The following ZNRF3 variants were observed in gnomAD, a reference collection of about 807,000 sequenced individuals.
ZNRF3 encodes the protein E3 ubiquitin-protein ligase ZNRF3.
In ZNRF3, 23 loss-of-function variants were observed where a neutral mutation model predicts 72.5. That is an observed-to-expected ratio of 0.32 (90% CI 0.23 to 0.45). The LOEUF (loss-of-function observed/expected upper bound fraction) is 0.45. Ranked by LOEUF, ZNRF3 falls within the 20% of genes least tolerant of loss-of-function variation. ZNRF3 has a pLI of 1.00. For synonymous variants in ZNRF3, 610 were observed against 545.3 expected (o/e 1.12, Z -1.65); for missense variants, 1,169 against 1,272.1 (o/e 0.92, Z 1.23).
intron 1 of ZNRF3, among the ~76,000 whole-genome samples, chr22:28,884,661 T>G (rs1470630591): frequency 1.3e-5 from 2 of 151,686 alleles, no homozygotes; most frequent in African/African-American, 4.8e-5. Context: ...TTCCCTGGAG[T>G]GGCGATGGAA....
At chr22:28,890,412 A>G (rs1482536408) in intron 1 of ZNRF3, among the ~76,000 whole-genome samples, 2 of 152,200 alleles carry the variant, frequency 1.3e-5, no homozygotes, top group African/African-American at 4.8e-5. Flanking sequence ...AGGCAGGAGA[A>G]TGGCGTGAAC....
intron 2 of ZNRF3, among the ~76,000 whole-genome samples, chr22:29,013,197 T>C (rs1179678505): frequency 6.6e-6 from 1 of 152,196 alleles, no homozygotes; most frequent in Non-Finnish European, 1.5e-5. Flanking sequence ...AAAGTTAGCT[T>C]TCAGGGAATC....
chr22:28,984,626 C>T (rs2035821649), intron 1 of ZNRF3, among the ~76,000 whole-genome samples: 1 of 152,188 alleles, frequency 6.6e-6, no homozygotes, highest in Non-Finnish European at 1.5e-5. Context: ...ATGATTTGAC[C>T]TGGGACTTCA....
intron 2 of ZNRF3, among the ~76,000 whole-genome samples, chr22:29,016,024 A>AC (rs2036426970): frequency 7.0e-6 from 1 of 142,946 alleles, no homozygotes; most frequent in African/African-American, 2.8e-5. Flanking sequence ...CAAAAAAAAA[A>AC]AAAAACAAAA....
At chr22:28,999,962 T>A (rs1360762604) in intron 2 of ZNRF3, among the ~76,000 whole-genome samples, 2 of 152,248 alleles carry the variant, frequency 1.3e-5, no homozygotes, top group African/African-American at 4.8e-5. Flanking sequence ...ACTTTTCTTC[T>A]GTCCTTTGTG....
chr22:28,991,017 C>T (rs1044842055), intron 2 of ZNRF3, among the ~76,000 whole-genome samples: 2 of 152,102 alleles, frequency 1.3e-5, no homozygotes, highest in East Asian at 1.9e-4. Context: ...CGTGGTGGCT[C>T]ACGCCTGTAA....
At chr22:29,025,140 C>T (rs1013307087) in intron 2 of ZNRF3, 2 of 152,052 alleles carry the variant, frequency 1.3e-5, no homozygotes, top group African/African-American at 4.8e-5. Flanking sequence ...CACCACCACA[C>T]CTGGCTAATT....
intron 4 of ZNRF3, among the ~76,000 whole-genome samples, chr22:29,044,542 C>T (rs1320938212): frequency 6.6e-6 from 1 of 152,242 alleles, no homozygotes; most frequent in African/African-American, 2.4e-5. Context: ...GTTCCCTTGG[C>T]TCTTGGGGGG....
At chr22:28,963,672 C>T (rs929821428) in intron 1 of ZNRF3, among the ~76,000 whole-genome samples, 1 of 152,162 alleles carries the variant, frequency 6.6e-6, no homozygotes, top group African/African-American at 2.4e-5. Flanking sequence ...CTTTGGGCTC[C>T]TTGGAGACAG....
At chr22:29,028,960 T>G (rs1424344005) in intron 2 of ZNRF3, among the ~76,000 whole-genome samples, 1 of 152,152 alleles carries the variant, frequency 6.6e-6, no homozygotes, top group Non-Finnish European at 1.5e-5. Context: ...AAGATGACCT[T>G]GTGTTGGTTT....
intron 1 of ZNRF3, among the ~76,000 whole-genome samples, chr22:28,913,816 G>T (rs1469080639): frequency 6.6e-6 from 1 of 152,160 alleles, no homozygotes; most frequent in Admixed American, 6.5e-5. Flanking sequence ...AGCCTGTCTT[G>T]TAGGCAGGTG....
At chr22:28,885,275 G>A (rs943715674) in intron 1 of ZNRF3, among the ~76,000 whole-genome samples, 1 of 152,098 alleles carries the variant, frequency 6.6e-6, no homozygotes, top group Admixed American at 6.5e-5. Context: ...GTAGAGGTGT[G>A]CCCTTACAAA....
At chr22:29,039,033 T>A (rs1487951146) in intron 2 of ZNRF3, among the ~76,000 whole-genome samples, 1 of 152,018 alleles carries the variant, frequency 6.6e-6, no homozygotes, top group Non-Finnish European at 1.5e-5. Context: ...GCCTCCCAAG[T>A]AGCTGGGATT....
chr22:28,963,267 G>A (rs993798187), intron 1 of ZNRF3, among the ~76,000 whole-genome samples: 5 of 152,228 alleles, frequency 3.3e-5, no homozygotes, highest in African/African-American at 1.2e-4. Context: ...GCCCCAGAGA[G>A]GGAGACAGTG....
intron 1 of ZNRF3, among the ~76,000 whole-genome samples, chr22:28,942,261 A>G (rs981561916): frequency 6.6e-6 from 1 of 152,228 alleles, no homozygotes; most frequent in African/African-American, 2.4e-5. Context: ...GAGAGCCTGG[A>G]TGAGGCTGCA....
intron 1 of ZNRF3, among the ~76,000 whole-genome samples, chr22:28,941,290 T>C (rs900165195): frequency 1.3e-5 from 2 of 152,206 alleles, no homozygotes; most frequent in African/African-American, 4.8e-5. Context: ...TGTATTTTTA[T>C]TGATTTGAAT....
At chr22:29,038,123 C>G (rs1439371717) in intron 2 of ZNRF3, among the ~76,000 whole-genome samples, 1 of 152,150 alleles carries the variant, frequency 6.6e-6, no homozygotes, top group Non-Finnish European at 1.5e-5. Context: ...AAGTATGTGA[C>G]TTAAAGATCC....
chr22:29,029,753 G>A (rs2036710718), intron 2 of ZNRF3, among the ~76,000 whole-genome samples: 1 of 152,148 alleles, frequency 6.6e-6, no homozygotes, highest in Non-Finnish European at 1.5e-5. Context: ...AGCGAAGGTT[G>A]AGAAGCATAG....
At chr22:29,032,779 G>A (rs909127677) in intron 2 of ZNRF3, among the ~76,000 whole-genome samples, 4 of 152,184 alleles carry the variant, frequency 2.6e-5, no homozygotes, top group African/African-American at 9.6e-5. Context: ...GCCGGGTTCT[G>A]GGAATTCAGC....
Sources: gnomAD v4.1 joint callset for allele counts (sites outside exome capture counted in the v4.1 genomes callset) on GRCh38, gnomAD v4.1.1 for gene constraint, MANE v1.5 for transcripts, NCBI Gene and HGNC (gene_info 2026-07-23, HGNC 2026-07-21) for gene names.